FARS2: variants seen among roughly 807,000 people sequenced by gnomAD.
The protein encoded by FARS2 is phenylalanine--tRNA ligase, mitochondrial.
FARS2 carries 40 observed loss-of-function variants against 46.4 expected under a neutral mutation model. The observed-to-expected ratio is 0.86, with a 90% confidence interval of 0.67 to 1.12. The LOEUF is 1.12. Among genes scored for constraint, FARS2 ranks in the 50% most tolerant of loss-of-function variants. FARS2 has a pLI of 0.00. For synonymous variants in FARS2, 234 were observed against 214.9 expected (o/e 1.09, Z -0.78); for missense variants, 513 against 567.9 (o/e 0.90, Z 0.98).
intron 1 of FARS2, among the ~76,000 whole-genome samples, chr6:5,322,734 A>G (rs1770072462): frequency 6.6e-6 from 1 of 152,072 alleles, no homozygotes; most frequent in Admixed American, 6.5e-5. Context: ...ATTCCCTTTT[A>G]TTGCCTGCCT....
At chr6:5,703,365 A>G (rs1323420571) in intron 6 of FARS2, among the ~76,000 whole-genome samples, 1 of 152,086 alleles carries the variant, frequency 6.6e-6, no homozygotes, top group Non-Finnish European at 1.5e-5. Flanking sequence ...ATTATTTTAG[A>G]AAATAAGGTT....
At chr6:5,639,173 A>C (rs1160791367) in intron 6 of FARS2, among the ~76,000 whole-genome samples, 1 of 152,246 alleles carries the variant, frequency 6.6e-6, no homozygotes, top group Non-Finnish European at 1.5e-5. Flanking sequence ...AAGCAGTATT[A>C]TAAGTCTAAA....
chr6:5,582,257 A>G (rs1237636378), intron 5 of FARS2, among the ~76,000 whole-genome samples: 2 of 139,966 alleles, frequency 1.4e-5, no homozygotes, highest in Non-Finnish European at 3.1e-5. Flanking sequence ...GCTTCTATAA[A>G]TGGTCACAGT....
intron 2 of FARS2, among the ~76,000 whole-genome samples, chr6:5,397,903 C>A (rs545145566): frequency 6.6e-6 from 1 of 152,192 alleles, no homozygotes; most frequent in East Asian, 1.9e-4. Flanking sequence ...AAGGTACTGG[C>A]CATATATTTT....
At chr6:5,260,618 GC>G, upstream of FARS2, 12 of 677,672 alleles carry the variant, frequency 1.8e-5, no homozygotes, top group Non-Finnish European at 2.3e-5. Context: ...CTGGCCCCCC[GC>G]CCCCGGCCCC....
chr6:5,292,813 A>G (rs771261738), intron 1 of FARS2, among the ~76,000 whole-genome samples: 3 of 152,122 alleles, frequency 2.0e-5, no homozygotes, highest in Non-Finnish European at 2.9e-5. Context: ...CCAAAAAAGG[A>G]TATGTAGTAG....
chr6:5,712,134 A>G (rs2150904458), intron 6 of FARS2, among the ~76,000 whole-genome samples: 2 of 152,320 alleles, frequency 1.3e-5, no homozygotes, highest in Admixed American at 1.3e-4. Context: ...AAATACCAAG[A>G]TGAAACAAAA....
At chr6:5,367,321 C>T (rs540271389) in intron 1 of FARS2, among the ~76,000 whole-genome samples, 18 of 152,244 alleles carry the variant, frequency 1.2e-4, no homozygotes, top group South Asian at 4.2e-4. Context: ...TAAAATAGCC[C>T]GGTAGGGAAG....
intron 1 of FARS2, among the ~76,000 whole-genome samples, chr6:5,286,964 A>G (rs978424227): frequency 6.6e-6 from 1 of 152,228 alleles, no homozygotes; most frequent in Non-Finnish European, 1.5e-5. Flanking sequence ...GACCTAATAC[A>G]GGAAGACTCG....
At position 5,712,409 on chromosome 6, in the gene FARS2, G is replaced by A. The variant is rs946521145; in HGVS notation, c.1218-58882G>A. Among the ~76,000 whole-genome samples, 21 of 152,178 alleles carry A rather than the reference G, an allele frequency of 1.4e-4. 1 individual carries two copies. The highest frequency in any genetic ancestry group is 4.1e-4 in the African/African-American group (17 of 41,438). ...GTTTCCAGGCCTCCCAGTCTCTTGC[G>A]AGTGGCAAGTGTCCATGAGGGAGTG... On this transcript the variant is annotated intron_variant, in intron 6 of 6. Transcript: ENST00000274680.
intron 4 of FARS2, among the ~76,000 whole-genome samples, chr6:5,540,265 G>A (rs1770540108): frequency 6.6e-6 from 1 of 152,068 alleles, no homozygotes; most frequent in South Asian, 2.1e-4. Context: ...TTTCTATTTT[G>A]ACAAACATAA....
At chr6:5,389,160 T>C (rs143485597) in intron 2 of FARS2, among the ~76,000 whole-genome samples, 169 of 150,928 alleles carry the variant, frequency 1.1e-3, no homozygotes, top group African/African-American at 4.0e-3. Context: ...AGTTAAAAAA[T>C]ATCGGCTTGC....
At position 5,409,333 on chromosome 6, in the gene FARS2, C is replaced by T. The variant is rs141585998; in HGVS notation, c.772+4632C>T. On this transcript the variant is annotated intron_variant, in intron 3 of 6. Transcript: ENST00000274680. Reference sequence around the variant, plus strand: ...GGGCGTGGTGGCACACGCCTGTAGTCCCGGCTACTCAGGAGGCTGAGGCAG... The same window carrying T: ...GGGCGTGGTGGCACACGCCTGTAGTTCCGGCTACTCAGGAGGCTGAGGCAG... Among the ~76,000 whole-genome samples the T allele has an allele frequency of 5.2e-3, 784 of 152,208 alleles. 7 individuals carry two copies. Among genetic ancestry groups the T allele is most frequent in the African/African-American group, 0.017 (716 of 41,528 alleles).
chr6:5,623,195 C>T (rs578036208), intron 6 of FARS2, among the ~76,000 whole-genome samples: 49 of 152,266 alleles, frequency 3.2e-4, no homozygotes, highest in South Asian at 6.2e-4. Context: ...TTCCAAAAAA[C>T]GAGTTAGCTA....
At chr6:5,459,745 C>A (rs537857532) in intron 4 of FARS2, among the ~76,000 whole-genome samples, 1 of 152,278 alleles carries the variant, frequency 6.6e-6, no homozygotes, top group African/African-American at 2.4e-5. Context: ...AGTGCCAAGC[C>A]CCAGCAGTCT....
intron 5 of FARS2, among the ~76,000 whole-genome samples, chr6:5,606,030 A>G (rs959393908): frequency 1.3e-5 from 2 of 152,138 alleles, no homozygotes; most frequent in African/African-American, 4.8e-5. Context: ...AATAAAACCT[A>G]AACTAGGTCA....
chr6:5,394,905 T>C lies in FARS2; in HGVS notation c.613-9637T>C, dbSNP rs547184486. Among the ~76,000 whole-genome samples, 47 of 152,312 alleles carry C rather than the reference T, an allele frequency of 3.1e-4. 1 individual carries two copies. In the South Asian group the frequency reaches 9.5e-3, roughly 31 times the overall value. ...GGTACAGAAACCATATTCCATTGTC[T>C]AAAAAAGGATGATCTGCGTCTTTTG... On this transcript the variant is annotated intron_variant, in intron 2 of 6. Transcript: ENST00000274680.
chr6:5,464,616 C>A (rs1341779626), intron 4 of FARS2, among the ~76,000 whole-genome samples: 1 of 152,156 alleles, frequency 6.6e-6, no homozygotes, highest in African/African-American at 2.4e-5. Flanking sequence ...TTTTCCTCAA[C>A]CTATTAGATA....
intron 1 of FARS2, among the ~76,000 whole-genome samples, chr6:5,264,772 A>C (rs1765436679): frequency 6.6e-6 from 1 of 151,962 alleles, no homozygotes; most frequent in Admixed American, 6.5e-5. Context: ...ACCCCTAAGA[A>C]ACTTGTAGGT....
Sources: gnomAD v4.1 joint callset for allele counts (sites outside exome capture counted in the v4.1 genomes callset) on GRCh38, gnomAD v4.1.1 for gene constraint, MANE v1.5 for transcripts, NCBI Gene and HGNC (gene_info 2026-07-23, HGNC 2026-07-21) for gene names.